Variants in ASB4 observed in about 807,000 individuals in gnomAD.
The protein encoded by ASB4 is ankyrin repeat and SOCS box protein 4.
In ASB4, 35 loss-of-function variants were observed where a neutral mutation model predicts 38.6. The observed-to-expected ratio is 0.91, with a 90% confidence interval of 0.69 to 1.20. ASB4 has a LOEUF of 1.20. Ranked by LOEUF, ASB4 falls within the 50% of genes most tolerant of loss-of-function variation. The probability of loss-of-function intolerance (pLI) is 0.00; values close to 1 mark genes in which losing one functional copy is unlikely to be tolerated. For missense variants in ASB4, 557 were observed against 527.2 expected, an observed-to-expected ratio of 1.06 and a Z score of -0.55; for synonymous variants, 195 against 201.3, an observed-to-expected ratio of 0.97 and a Z score of 0.26.
chr7:95,509,430 T>C (rs927418089), intron 2 of ASB4, among the ~76,000 whole-genome samples: 2 of 152,194 alleles, frequency 1.3e-5, no homozygotes, highest in African/African-American at 4.8e-5. Context: ...GTCTCCGGGC[T>C]CATTAATCCT....
chr7:95,545,208 C>T (rs1395182281), downstream of ASB4, among the ~76,000 whole-genome samples: 1 of 152,166 alleles, frequency 6.6e-6, no homozygotes, highest in Non-Finnish European at 1.5e-5. Flanking sequence ...TGAATCACAG[C>T]TATGGAATTA....
chr7:95,541,705 A>G (rs1298018811), downstream of ASB4, among the ~76,000 whole-genome samples: 1 of 152,216 alleles, frequency 6.6e-6, no homozygotes, highest in East Asian at 1.9e-4. Flanking sequence ...CTATGGAAAA[A>G]TTTAGTCACT....
intron 1 of ASB4, among the ~76,000 whole-genome samples, chr7:95,488,795 A>G (rs1790131045): frequency 6.6e-6 from 1 of 152,242 alleles, no homozygotes; most frequent in African/African-American, 2.4e-5. Context: ...AAACCTATGT[A>G]ACCAGCATCC....
In ASB4 at chr7:95,515,420, CTCTCT is replaced by C. The variant is rs1289574775; in HGVS notation, c.488-12391_488-12387del. ...CTTTTCTTTTCTTTTTCCTTTCTCT[CTCTCT>C]TTTTTTTTTAAGACAGAGTCTCATT... On this transcript the variant is annotated intron_variant, in intron 2 of 4. Transcript: ENST00000325885. Among the ~76,000 whole-genome samples the C allele has an allele frequency of 4.6e-5, 5 of 109,824 alleles. 1 individual carries two copies. The highest frequency in any genetic ancestry group is 1.1e-4 in the African/African-American group (3 of 27,312). The allele number at this position is 109,824 out of a possible 152,430, so 72.0% of individuals were successfully genotyped here.
chr7:95,547,462 A>AT, the ASB4 span, among the ~76,000 whole-genome samples: 1 of 152,214 alleles, frequency 6.6e-6, no homozygotes, highest in African/African-American at 2.4e-5. Context: ...TATTTTGCAT[A>AT]TATTAGTAGT....
intron 1 of ASB4, among the ~76,000 whole-genome samples, chr7:95,494,277 G>T (rs967522728): frequency 6.6e-6 from 1 of 152,180 alleles, no homozygotes; most frequent in Non-Finnish European, 1.5e-5. Flanking sequence ...AGCAGTCATC[G>T]TAATATTCTA....
intron 2 of ASB4, among the ~76,000 whole-genome samples, chr7:95,527,438 G>C (rs1340601811): frequency 1.3e-5 from 2 of 152,200 alleles, no homozygotes; most frequent in African/African-American, 4.8e-5. Context: ...CATAACATTT[G>C]TTTTTAATGA....
upstream of ASB4, among the ~76,000 whole-genome samples, chr7:95,484,298 C>T (rs565797761): frequency 5.3e-5 from 8 of 152,218 alleles, no homozygotes; most frequent in African/African-American, 1.7e-4. Flanking sequence ...CACCACTGTG[C>T]TCCAGTCTGG....
At chr7:95,541,628 C>A (rs577418496), downstream of ASB4, among the ~76,000 whole-genome samples, 1 of 152,076 alleles carries the variant, frequency 6.6e-6, no homozygotes, top group Non-Finnish European at 1.5e-5. Flanking sequence ...AGTAAACATG[C>A]CAACCAATTA....
intron 2 of ASB4, among the ~76,000 whole-genome samples, chr7:95,506,686 CTTTT>C (rs76270182): frequency 5.0e-5 from 6 of 119,958 alleles, no homozygotes; most frequent in Admixed American, 8.2e-5. Context: ...AATTTAGATT[CTTTT>C]TTTTTTTTTT....
intron 1 of ASB4, among the ~76,000 whole-genome samples, chr7:95,489,738 A>C (rs1790143428): frequency 6.6e-6 from 1 of 152,230 alleles, no homozygotes; most frequent in South Asian, 2.1e-4. Flanking sequence ...CTAACTGCCA[A>C]ATGCAATAAG....
At chr7:95,491,993 C>T (rs527661867) in intron 1 of ASB4, among the ~76,000 whole-genome samples, 14 of 152,194 alleles carry the variant, frequency 9.2e-5, no homozygotes, top group Non-Finnish European at 1.8e-4. Context: ...CTTCAGTATA[C>T]CCTAAGCTAT....
chr7:95,527,708 GT>G, intron 2 of ASB4, 104 bp from the exon 3 acceptor site: 1 of 1,133,886 alleles, frequency 8.8e-7, no homozygotes, highest in Non-Finnish European at 1.2e-6. Flanking sequence ...ATATACGGCA[GT>G]CAGAAGTTAA....
downstream of ASB4, among the ~76,000 whole-genome samples, chr7:95,545,209 T>A (rs1327286236): frequency 6.6e-6 from 1 of 152,212 alleles, no homozygotes; most frequent in Non-Finnish European, 1.5e-5. Context: ...GAATCACAGC[T>A]ATGGAATTAC....
chr7:95,493,054 C>A (rs1790194682), intron 1 of ASB4, among the ~76,000 whole-genome samples: 3 of 152,166 alleles, frequency 2.0e-5, no homozygotes, highest in Admixed American at 6.6e-5. Flanking sequence ...TGCTCCCCAG[C>A]CCAGACTGTC....
chr7:95,537,872 A>C lies in ASB4; in HGVS notation c.*113A>C, dbSNP rs1442503210. On this transcript the variant is annotated 3_prime_UTR_variant, in exon 5 of 5. Coordinates refer to ENST00000325885, the MANE Select transcript of ASB4 (RefSeq NM_016116.3). ...TTGATTATAACACTTCAGGGATTTC[A>C]AAACACTTTACAAACACTGCCATTA... 4.9e-6 allele frequency: 4 copies of C among 818,808 alleles called. No individual in the cohort carries two copies. The highest frequency in any genetic ancestry group is 7.7e-6 in the Non-Finnish European group (4 of 521,852). 50.7% of individuals were successfully genotyped at this position (818,808 alleles called of 1,614,324 possible). A position where few individuals can be genotyped will look rare whatever the true frequency, so the allele number is the denominator to read the frequency against.
At chr7:95,521,302 A>G (rs902153563) in intron 2 of ASB4, among the ~76,000 whole-genome samples, 1 of 152,150 alleles carries the variant, frequency 6.6e-6, no homozygotes, top group Non-Finnish European at 1.5e-5. Context: ...TGAAGAGACA[A>G]TTCTTACAAG....
At chr7:95,550,201 C>T in the ASB4 span, among the ~76,000 whole-genome samples, 43,052 of 152,042 alleles carry the variant, frequency 0.28, 6,909 homozygotes, top group East Asian at 0.78. Flanking sequence ...ACTATCTTAG[C>T]TTCTGAAGAC....
At chr7:95,544,292 C>T (rs1226816339), downstream of ASB4, 2 of 152,158 alleles carry the variant, frequency 1.3e-5, no homozygotes, top group Non-Finnish European at 2.9e-5. Flanking sequence ...TGTTCAAGTG[C>T]TAAATTATTC....
Sources: gnomAD v4.1 joint callset for allele counts (sites outside exome capture counted in the v4.1 genomes callset) on GRCh38, gnomAD v4.1.1 for gene constraint, MANE v1.5 for transcripts, NCBI Gene and HGNC (gene_info 2026-07-23, HGNC 2026-07-21) for gene names.